Variants in RIGI observed in about 807,000 individuals in gnomAD.
The protein encoded by RIGI is antiviral innate immune response receptor RIG-I.
At chr9:32,514,506 A>G in the RIGI span, among the ~76,000 whole-genome samples, 2 of 152,332 alleles carry the variant, frequency 1.3e-5, no homozygotes, top group Middle Eastern at 3.4e-3. Flanking sequence ...GTTCTCACTC[A>G]TAAGTGGGAG....
chr9:32,466,382 C>G, the RIGI span: 1 of 1,613,700 alleles, frequency 6.2e-7, no homozygotes, highest in Non-Finnish European at 8.5e-7. Flanking sequence ...TGTTCTTTTT[C>G]AATTACACCA....
the RIGI span, among the ~76,000 whole-genome samples, chr9:32,517,745 T>C: frequency 2.0e-5 from 3 of 152,222 alleles, no homozygotes; most frequent in Non-Finnish European, 1.5e-5. Flanking sequence ...TTCTGAGTTA[T>C]TGATCAAAAT....
the RIGI span, among the ~76,000 whole-genome samples, chr9:32,521,139 C>CAAAAAAAAAAAAAAAAAAA: frequency 2.1e-3 from 69 of 32,768 alleles, 17 homozygotes; most frequent in Non-Finnish European, 2.8e-3. Context: ...GACACCATCT[C>CAAAAAAAAAAAAAAAAAAA]AAAAAAAAAA....
the RIGI span, among the ~76,000 whole-genome samples, chr9:32,521,580 G>T: frequency 1.2e-3 from 188 of 151,750 alleles, 1 homozygote; most frequent in African/African-American, 3.2e-3. Flanking sequence ...AATTCAGGGG[G>T]TTTTTTTTAA....
the RIGI span, among the ~76,000 whole-genome samples, chr9:32,524,386 C>G: frequency 6.6e-6 from 1 of 152,130 alleles, no homozygotes; most frequent in African/African-American, 2.4e-5. Flanking sequence ...GTTAGTGTTT[C>G]TTCCAAGTAC....
At chr9:32,487,540 C>A in the RIGI span, 1 of 1,614,026 alleles carries the variant, frequency 6.2e-7, no homozygotes, top group African/African-American at 1.3e-5. Flanking sequence ...ATCACTGACG[C>A]ATCAAGAGAA....
the RIGI span, among the ~76,000 whole-genome samples, chr9:32,490,419 G>A: frequency 5.9e-5 from 9 of 151,654 alleles, no homozygotes; most frequent in Admixed American, 2.0e-4. Flanking sequence ...GAATCTTCAC[G>A]TGTCAGAAAA....
At chr9:32,480,133 A>G in the RIGI span, 1 of 1,438,478 alleles carries the variant, frequency 7.0e-7, no homozygotes, top group Non-Finnish European at 9.5e-7. Flanking sequence ...CCAAGTTTAT[A>G]TATATTAAAT....
chr9:32,476,967 G>A, the RIGI span: 1 of 1,605,658 alleles, frequency 6.2e-7, no homozygotes, highest in Non-Finnish European at 8.5e-7. Context: ...TATCTACAAG[G>A]AGAAAAAAAG....
chr9:32,472,955 A>C, the RIGI span: 5 of 1,571,220 alleles, frequency 3.2e-6, no homozygotes, highest in African/African-American at 4.1e-5. Context: ...CACTAAATCT[A>C]ATTCACTATA....
At chr9:32,487,443 C>T in the RIGI span, 1 of 1,610,132 alleles carries the variant, frequency 6.2e-7, no homozygotes, top group Non-Finnish European at 8.5e-7. Flanking sequence ...AACAGAATCT[C>T]AAAGGCTTGT....
the RIGI span, among the ~76,000 whole-genome samples, chr9:32,510,838 G>A: frequency 0.54 from 82,339 of 151,590 alleles, 23,084 homozygotes; most frequent in Middle Eastern, 0.68. Flanking sequence ...GTATTCAGGA[G>A]ACCCATCTCA....
the RIGI span, among the ~76,000 whole-genome samples, chr9:32,460,880 C>T: frequency 1.3e-5 from 2 of 152,112 alleles, no homozygotes; most frequent in African/African-American, 2.4e-5. Context: ...AAAAAGTATT[C>T]ACAGAAATGA....
chr9:32,463,889 C>CTTTTTTTTTTTTTTTTTATTATACTCT, the RIGI span, among the ~76,000 whole-genome samples: 96 of 135,810 alleles, frequency 7.1e-4, 5 homozygotes, highest in African/African-American at 1.7e-3. Context: ...ATTCTGATTT[C>CTTTTTTTTTTTTTTTTTATTATACTCT]AAATAAACCT....
At chr9:32,468,666 A>T in the RIGI span, among the ~76,000 whole-genome samples, 1 of 139,284 alleles carries the variant, frequency 7.2e-6, no homozygotes, top group Non-Finnish European at 1.5e-5. Flanking sequence ...ACTCTATCTT[A>T]AAAAAAAAAA....
At chr9:32,510,233 A>C in the RIGI span, among the ~76,000 whole-genome samples, 1 of 152,146 alleles carries the variant, frequency 6.6e-6, no homozygotes, top group Admixed American at 6.5e-5. Context: ...CAGGAAATAC[A>C]GAGAACACCA....
chr9:32,520,960 A>G, the RIGI span, among the ~76,000 whole-genome samples: 2 of 151,972 alleles, frequency 1.3e-5, no homozygotes, highest in African/African-American at 4.8e-5. Context: ...AGCCTGGCCA[A>G]CATGGTGAAA....
chr9:32,481,616 C>T, the RIGI span: 40 of 718,478 alleles, frequency 5.6e-5, no homozygotes, highest in Non-Finnish European at 8.5e-5. Context: ...GGCAGAGTCT[C>T]GCTCTGATGC....
the RIGI span, chr9:32,498,381 A>C: frequency 4.4e-6 from 2 of 456,346 alleles, no homozygotes; most frequent in South Asian, 3.1e-5. Context: ...CACCCTATTC[A>C]GCATAAATCT....
Sources: gnomAD v4.1 joint callset for allele counts (sites outside exome capture counted in the v4.1 genomes callset) on GRCh38, gnomAD v4.1.1 for gene constraint, MANE v1.5 for transcripts, NCBI Gene and HGNC (gene_info 2026-07-23, HGNC 2026-07-21) for gene names.